Variants in EMCN observed in about 807,000 individuals in gnomAD.
EMCN encodes MUC-14.
EMCN carries 37 observed loss-of-function variants against 38.4 expected under a neutral mutation model. That is an observed-to-expected ratio of 0.96 (90% CI 0.74 to 1.27). The LOEUF (loss-of-function observed/expected upper bound fraction) is 1.27, where lower values mean the gene tolerates loss of function less well. Ranked by LOEUF, EMCN falls within the 50% of genes most tolerant of loss-of-function variation. The pLI is 0.00. For missense variants in EMCN, 318 were observed against 302.8 expected (o/e 1.05, Z -0.37); for synonymous variants, 95 against 100.8 (o/e 0.94, Z 0.35).
intron 3 of EMCN, among the ~76,000 whole-genome samples, chr4:100,473,377 T>TG (rs1313786663): frequency 8.2e-6 from 1 of 122,474 alleles, no homozygotes; most frequent in Non-Finnish European, 1.6e-5. Context: ...TTTTTTGTTT[T>TG]TTTTTTTTGT....
At chr4:100,509,945 A>C (rs1729583254) in intron 1 of EMCN, among the ~76,000 whole-genome samples, 1 of 152,184 alleles carries the variant, frequency 6.6e-6, no homozygotes, top group Non-Finnish European at 1.5e-5. Context: ...CAGTATCTAA[A>C]ATGGGTATTC....
At chr4:100,469,993 CATG>C (rs1386790537) in intron 3 of EMCN, among the ~76,000 whole-genome samples, 2 of 151,904 alleles carry the variant, frequency 1.3e-5, no homozygotes, top group Non-Finnish European at 2.9e-5. Context: ...GCAAAGTTTT[CATG>C]ATGAAGACAC....
intron 1 of EMCN, among the ~76,000 whole-genome samples, chr4:100,511,827 G>A (rs1729632090): frequency 7.7e-6 from 1 of 130,212 alleles, no homozygotes. Flanking sequence ...CTTCTGTTCA[G>A]ACAGTTTATA....
intron 5 of EMCN, 121 bp from the exon 6 acceptor site, chr4:100,423,525 G>A: frequency 1.5e-6 from 1 of 680,826 alleles, no homozygotes; most frequent in Non-Finnish European, 2.6e-6. Context: ...TTGTCAAATA[G>A]TAGGATAAAT....
chr4:100,444,986 C>A (rs1301472304), intron 5 of EMCN, among the ~76,000 whole-genome samples: 2 of 152,102 alleles, frequency 1.3e-5, no homozygotes, highest in South Asian at 4.1e-4. Context: ...CTCTTGCTTA[C>A]CTTTTTCCTG....
intron 4 of EMCN, among the ~76,000 whole-genome samples, chr4:100,448,928 C>T (rs1447691422): frequency 6.6e-6 from 1 of 151,852 alleles, no homozygotes; most frequent in African/African-American, 2.4e-5. Flanking sequence ...CCACCTTCAC[C>T]AAATTGTTTC....
In EMCN at chr4:100,517,836, A is replaced by G. The variant is rs2110317537; in HGVS notation, c.64+15T>C. On this transcript the variant is annotated intron_variant, in intron 1 of 11. Transcript: ENST00000296420. The stretch of plus-strand genomic sequence containing the variant: ...TTCCAATCCGTACCACCAGAGGAAT[A>G]AGAGACAAAAATACCTGTGCTGTTA... The G allele has an allele frequency of 1.2e-6, 2 of 1,611,830 alleles. No individual in the cohort carries two copies. Among genetic ancestry groups the G allele is most frequent in the African/African-American group, 1.3e-5 (1 of 74,908 alleles).
chr4:100,402,344 G>A (rs912166602), intron 11 of EMCN, among the ~76,000 whole-genome samples: 2 of 152,072 alleles, frequency 1.3e-5, no homozygotes, highest in Admixed American at 1.3e-4. Flanking sequence ...GATGATTTCT[G>A]TATTACTGTT....
intron 5 of EMCN, among the ~76,000 whole-genome samples, chr4:100,443,718 C>A (rs1727586545): frequency 6.6e-6 from 1 of 152,144 alleles, no homozygotes. Flanking sequence ...TTCCAAGATA[C>A]AAATGAATGC....
In EMCN at chr4:100,410,436, T is replaced by C. The variant is rs1010525537; in HGVS notation, c.752-81A>G. 9.3e-6 allele frequency: 13 copies of C among 1,398,550 alleles called. No individual in the cohort carries two copies. The Admixed American group carries it at 1.6e-4, about 17-fold the overall frequency. 86.6% of individuals were successfully genotyped at this position (1,398,550 alleles called of 1,614,324 possible). On this transcript the variant is annotated intron_variant, in intron 10 of 11. Coordinates refer to ENST00000296420, the MANE Select transcript of EMCN (RefSeq NM_016242.4). ...AATAAAGTTTCCTAGCTTTTTTCTA[T>C]TTTTCAAGGAAAGTTCAACTTTCCT...
chr4:100,406,898 A>T (rs1007774146), intron 11 of EMCN, among the ~76,000 whole-genome samples: 3 of 152,154 alleles, frequency 2.0e-5, no homozygotes, highest in African/African-American at 4.8e-5. Context: ...TGTTTTATAA[A>T]TCCAGGTGCT....
intron 3 of EMCN, among the ~76,000 whole-genome samples, chr4:100,470,045 G>A (rs990362566): frequency 6.6e-6 from 1 of 151,914 alleles, no homozygotes; most frequent in Non-Finnish European, 1.5e-5. Context: ...TGACAAATGG[G>A]ATTGAATTAA....
intron 1 of EMCN, among the ~76,000 whole-genome samples, chr4:100,516,779 A>G (rs1729770088): frequency 1.3e-5 from 2 of 152,120 alleles, no homozygotes; most frequent in African/African-American, 4.8e-5. Flanking sequence ...CGACATTATC[A>G]CTGTAAATTA....
intron 1 of EMCN, among the ~76,000 whole-genome samples, chr4:100,506,194 A>G (rs1242869003): frequency 2.0e-5 from 3 of 152,190 alleles, no homozygotes; most frequent in African/African-American, 7.2e-5. Flanking sequence ...AATAAAAGCA[A>G]TCATCTTTAT....
At chr4:100,490,496 G>A (rs552287678) in intron 1 of EMCN, among the ~76,000 whole-genome samples, 2 of 152,150 alleles carry the variant, frequency 1.3e-5, no homozygotes, top group Admixed American at 1.3e-4. Flanking sequence ...ACTCACCCAG[G>A]GCAACTTCCA....
chr4:100,495,135 A>G (rs917197120), intron 1 of EMCN, among the ~76,000 whole-genome samples: 4 of 152,066 alleles, frequency 2.6e-5, no homozygotes, highest in Admixed American at 2.0e-4. Context: ...GTGGCATTGG[A>G]TTTTTGAGCA....
chr4:100,461,600 C>G (rs1178205911), intron 4 of EMCN, among the ~76,000 whole-genome samples: 1 of 152,060 alleles, frequency 6.6e-6, no homozygotes, highest in Non-Finnish European at 1.5e-5. Flanking sequence ...TTCTAGGATT[C>G]TAGAAATTGT....
chr4:100,435,569 G>C (rs566208325), intron 5 of EMCN, among the ~76,000 whole-genome samples: 1 of 152,028 alleles, frequency 6.6e-6, no homozygotes, highest in Non-Finnish European at 1.5e-5. Flanking sequence ...GAATATCCAA[G>C]GCAATCCTCA....
At chr4:100,458,556 A>C (rs2110255976) in intron 4 of EMCN, among the ~76,000 whole-genome samples, 1 of 152,290 alleles carries the variant, frequency 6.6e-6, no homozygotes, top group South Asian at 2.1e-4. Context: ...AATTTTTATA[A>C]GTTTTTATAA....
Sources: allele counts gnomAD v4.1 joint callset (sites outside exome capture counted in the v4.1 genomes callset), GRCh38; gene constraint gnomAD v4.1.1; transcripts MANE v1.5; gene names NCBI Gene and HGNC (gene_info 2026-07-23, HGNC 2026-07-21).